STK32B: variants seen among roughly 807,000 people sequenced by gnomAD.
STK32B encodes the protein serine/threonine kinase 32B.
In STK32B, 43 loss-of-function variants were observed where a neutral mutation model predicts 52.6. The observed-to-expected ratio is 0.82, with a 90% CI of 0.64 to 1.05. STK32B has a LOEUF of 1.05. STK32B is among the 50% of genes least tolerant of loss of function. STK32B has a pLI of 0.00. For synonymous variants in STK32B, 238 were observed against 204.3 expected, an observed-to-expected ratio of 1.17 and a Z score of -1.41; for missense variants, 621 against 534.6, an observed-to-expected ratio of 1.16 and a Z score of -1.59.
intron 3 of STK32B, among the ~76,000 whole-genome samples, chr4:5,171,688 G>C (rs142189343): frequency 0.028 from 3,321 of 119,562 alleles, 248 homozygotes; most frequent in East Asian, 0.12. Context: ...GGTACCAGTT[G>C]CATTCTGTCT....
At chr4:5,258,633 TC>T (rs1726491878) in intron 3 of STK32B, among the ~76,000 whole-genome samples, 1 of 152,126 alleles carries the variant, frequency 6.6e-6, no homozygotes, top group Non-Finnish European at 1.5e-5. Context: ...AAATCTTGTC[TC>T]CTCCTTCAGC....
intron 4 of STK32B, among the ~76,000 whole-genome samples, chr4:5,366,432 C>G (rs1734881901): frequency 6.6e-6 from 1 of 152,210 alleles, no homozygotes; most frequent in African/African-American, 2.4e-5. Context: ...CACTTGATCT[C>G]TGAGTCACAG....
chr4:5,133,726 G>A (rs1715906334), intron 1 of STK32B, among the ~76,000 whole-genome samples: 1 of 152,184 alleles, frequency 6.6e-6, no homozygotes, highest in African/African-American at 2.4e-5. Flanking sequence ...CTGAGATTCT[G>A]AGATGTTAAG....
chr4:5,484,732 G>C (rs1416555257), intron 11 of STK32B, among the ~76,000 whole-genome samples: 1 of 152,184 alleles, frequency 6.6e-6, no homozygotes. Flanking sequence ...GGTACCAGTT[G>C]TTCCTTTCCA....
intron 3 of STK32B, among the ~76,000 whole-genome samples, chr4:5,324,950 A>G (rs1260343939): frequency 6.6e-6 from 1 of 152,172 alleles, no homozygotes; most frequent in Non-Finnish European, 1.5e-5. Flanking sequence ...GACCAAATGC[A>G]TGGGAGAAGC....
intron 11 of STK32B, among the ~76,000 whole-genome samples, chr4:5,484,560 T>C (rs947003078): frequency 6.6e-6 from 1 of 152,202 alleles, no homozygotes; most frequent in African/African-American, 2.4e-5. Flanking sequence ...AGTCTGTCTC[T>C]TTTAATTGGA....
At chr4:5,358,770 C>T (rs1004035298) in intron 4 of STK32B, among the ~76,000 whole-genome samples, 2 of 152,010 alleles carry the variant, frequency 1.3e-5, no homozygotes, top group Non-Finnish European at 2.9e-5. Context: ...ATGTTACAAT[C>T]CAGTGCAGCC....
In STK32B at chr4:5,317,633, G is replaced by T. The variant is rs184528714; in HGVS notation, c.261-13587G>T. On this transcript the variant is annotated intron_variant, in intron 3 of 11. Coordinates refer to ENST00000282908, the MANE Select transcript of STK32B (RefSeq NM_018401.3). The stretch of plus-strand genomic sequence containing the variant: ...ACACTCAGTGAACACTCATGCCCTG[G>T]ACCAGGCCCTGAGTGGATGCTGGAG... 7.6e-5 allele frequency among the ~76,000 whole-genome samples: 11 copies of T among 145,348 alleles called. No homozygotes were observed. The East Asian group carries it at 2.2e-3, about 29-fold the overall frequency.
At chr4:5,309,449 A>G (rs184748631) in intron 3 of STK32B, among the ~76,000 whole-genome samples, 164 of 152,348 alleles carry the variant, frequency 1.1e-3, no homozygotes, top group African/African-American at 3.7e-3. Context: ...AGCAAAAAGA[A>G]CAAGGTTGGA....
At chr4:5,117,965 G>T (rs1043187710) in intron 1 of STK32B, among the ~76,000 whole-genome samples, 4 of 152,122 alleles carry the variant, frequency 2.6e-5, no homozygotes, top group African/African-American at 9.7e-5. Context: ...CTAGAATTTT[G>T]TTGAGGATTT....
At chr4:5,397,553 A>G (rs1308637022) in intron 4 of STK32B, among the ~76,000 whole-genome samples, 1 of 152,198 alleles carries the variant, frequency 6.6e-6, no homozygotes. Flanking sequence ...CCCTTAAAAG[A>G]GGTCAGCAAA....
chr4:5,485,589 T>A (rs1719101808), intron 11 of STK32B, among the ~76,000 whole-genome samples: 1 of 152,228 alleles, frequency 6.6e-6, no homozygotes. Context: ...TCTCAACTTG[T>A]CAAAGTCATT....
intron 6 of STK32B, among the ~76,000 whole-genome samples, chr4:5,419,675 C>G (rs1284621462): frequency 6.6e-6 from 1 of 152,142 alleles, no homozygotes; most frequent in Non-Finnish European, 1.5e-5. Context: ...CGCTTCTTGT[C>G]ACTGTTGTGT....
chr4:5,244,923 T>G (rs1206424002), intron 3 of STK32B, among the ~76,000 whole-genome samples: 1 of 152,224 alleles, frequency 6.6e-6, no homozygotes, highest in African/African-American at 2.4e-5. Context: ...CTAGTTTGAT[T>G]GCACTGTGGT....
At chr4:5,184,995 G>A (rs1720636115) in intron 3 of STK32B, among the ~76,000 whole-genome samples, 1 of 152,242 alleles carries the variant, frequency 6.6e-6, no homozygotes. Flanking sequence ...CCTGAGGTGA[G>A]GTTGCTCCCT....
chr4:5,335,406 T>C (rs1281764167), intron 4 of STK32B, among the ~76,000 whole-genome samples: 1 of 152,196 alleles, frequency 6.6e-6, no homozygotes, highest in Non-Finnish European at 1.5e-5. Context: ...CTATCAGTTT[T>C]GTTGATCCTT....
chr4:5,170,856 G>C (rs991960080), intron 3 of STK32B, among the ~76,000 whole-genome samples: 67 of 152,226 alleles, frequency 4.4e-4, no homozygotes, highest in African/African-American at 1.6e-3. Context: ...AATGGTATTT[G>C]TAGTTCTAGA....
At chr4:5,306,673 T>C (rs1729946704) in intron 3 of STK32B, among the ~76,000 whole-genome samples, 3 of 152,176 alleles carry the variant, frequency 2.0e-5, no homozygotes, top group Admixed American at 2.0e-4. Flanking sequence ...TACTGTTCTA[T>C]TCATTGTGCT....
At chr4:5,444,416 C>G (rs910091394) in intron 6 of STK32B, among the ~76,000 whole-genome samples, 5 of 152,224 alleles carry the variant, frequency 3.3e-5, no homozygotes, top group Non-Finnish European at 5.9e-5. Context: ...ACTCCCTGAC[C>G]CCTTGCGCTT....
Sources: allele counts gnomAD v4.1 joint callset (sites outside exome capture counted in the v4.1 genomes callset), GRCh38; gene constraint gnomAD v4.1.1; transcripts MANE v1.5; gene names NCBI Gene and HGNC (gene_info 2026-07-23, HGNC 2026-07-21).